The following JPH3 variants were observed in gnomAD, a reference collection of about 807,000 sequenced individuals.
JPH3 encodes the protein junctophilin-3.
Under a neutral mutation model 59.6 loss-of-function variants are expected in JPH3, and 11 were observed. The observed-to-expected ratio is 0.18, with a 90% CI of 0.12 to 0.31. The LOEUF (loss-of-function observed/expected upper bound fraction) is 0.31, where lower values mean the gene tolerates loss of function less well. Among genes scored for constraint, JPH3 ranks in the 10% least tolerant of loss-of-function variants. JPH3 has a pLI of 1.00. For missense variants in JPH3, 1,202 were observed against 1,105.7 expected (o/e 1.09, Z -1.24); for synonymous variants, 673 against 483.6 (o/e 1.39, Z -5.14).
intron 3 of JPH3, among the ~76,000 whole-genome samples, chr16:87,687,760 C>T (rs1005045558): frequency 1.3e-5 from 2 of 152,140 alleles, no homozygotes; most frequent in Non-Finnish European, 2.9e-5. Flanking sequence ...AGTCGGGGCC[C>T]CTCTAGCGTG....
intron 1 of JPH3, among the ~76,000 whole-genome samples, chr16:87,636,446 C>G (rs762937654): frequency 1.4e-4 from 21 of 152,196 alleles, no homozygotes; most frequent in Non-Finnish European, 2.6e-4. Flanking sequence ...GTCACAGTGG[C>G]TGTCGCTTTA....
chr16:87,683,945 T>C, intron 2 of JPH3, 197 bp from the exon 3 acceptor site: 1 of 580,948 alleles, frequency 1.7e-6, no homozygotes, highest in Non-Finnish European at 3.1e-6. Context: ...CTGGGCCTGG[T>C]TGGTTGATGC....
At chr16:87,693,980 C>T (rs1306523857) in intron 4 of JPH3, 2 of 152,246 alleles carry the variant, frequency 1.3e-5, no homozygotes, top group African/African-American at 4.8e-5. Context: ...CCCACCGTGC[C>T]GAGTGGTGTT....
chr16:87,602,431 CGGGGGCGGGGGGCG>C (rs1237775178), upstream of JPH3, among the ~76,000 whole-genome samples: 2,253 of 13,272 alleles, frequency 0.17, 122 homozygotes, highest in African/African-American at 0.34. Flanking sequence ...GGGGCGGGGG[CGGGGGCGGGGGGCG>C]GGGGGCGGGG....
chr16:87,624,415 G>C (rs569693773), intron 1 of JPH3, among the ~76,000 whole-genome samples: 12 of 152,288 alleles, frequency 7.9e-5, no homozygotes, highest in African/African-American at 2.9e-4. Flanking sequence ...CATACGCTGA[G>C]AGGCCTTTTG....
At chr16:87,682,418 G>A (rs934832842) in intron 2 of JPH3, among the ~76,000 whole-genome samples, 4 of 152,136 alleles carry the variant, frequency 2.6e-5, no homozygotes, top group Non-Finnish European at 4.4e-5. Flanking sequence ...CCACCAGGGC[G>A]ATGGTGCTAG....
At chr16:87,653,070 G>GT (rs1158494736) in intron 2 of JPH3, among the ~76,000 whole-genome samples, 2 of 151,976 alleles carry the variant, frequency 1.3e-5, no homozygotes, top group African/African-American at 4.8e-5. Context: ...CAGTGCCTGC[G>GT]GGGGGGACTA....
intron 1 of JPH3, among the ~76,000 whole-genome samples, chr16:87,630,804 C>G (rs893283769): frequency 2.0e-5 from 3 of 152,136 alleles, no homozygotes; most frequent in African/African-American, 7.2e-5. Flanking sequence ...TCTGTTGACT[C>G]CTACTGTAGT....
chr16:87,641,093 C>T (rs1347518343), intron 1 of JPH3, among the ~76,000 whole-genome samples: 5 of 152,270 alleles, frequency 3.3e-5, no homozygotes, highest in Non-Finnish European at 7.3e-5. Flanking sequence ...CAGCTGCCCC[C>T]TCTGCCTCCT....
intron 1 of JPH3, among the ~76,000 whole-genome samples, chr16:87,617,023 G>A (rs143347880): frequency 2.0e-5 from 3 of 152,258 alleles, no homozygotes; most frequent in Non-Finnish European, 4.4e-5. Context: ...TCAGGAGTTC[G>A]AGACCAGCCT....
chr16:87,652,698 C>G (rs1303989332), intron 2 of JPH3, among the ~76,000 whole-genome samples: 4 of 152,228 alleles, frequency 2.6e-5, no homozygotes, highest in Non-Finnish European at 5.9e-5. Flanking sequence ...AGGTGGCCAC[C>G]TAGATGATGG....
chr16:87,666,303 G>A (rs528067887), intron 2 of JPH3, among the ~76,000 whole-genome samples: 2 of 151,842 alleles, frequency 1.3e-5, no homozygotes, highest in African/African-American at 2.4e-5. Context: ...TGGTCAGGCT[G>A]GTCTAGAACT....
chr16:87,638,977 G>C (rs192384408), intron 1 of JPH3, among the ~76,000 whole-genome samples: 2 of 152,182 alleles, frequency 1.3e-5, no homozygotes, highest in African/African-American at 4.8e-5. Flanking sequence ...GGGGAGGACA[G>C]GTGAACCTGG....
At chr16:87,666,704 G>T (rs758086390) in intron 2 of JPH3, among the ~76,000 whole-genome samples, 6 of 152,174 alleles carry the variant, frequency 3.9e-5, no homozygotes, top group Non-Finnish European at 8.8e-5. Flanking sequence ...CACAGTGCTG[G>T]GATTACAGGA....
intron 2 of JPH3, among the ~76,000 whole-genome samples, chr16:87,657,644 C>G (rs1597268599): frequency 6.6e-6 from 1 of 152,296 alleles, no homozygotes; most frequent in East Asian, 1.9e-4. Flanking sequence ...GTGGAGACTG[C>G]TCTTGAGGTC....
At position 87,684,167 on chromosome 16, in the gene JPH3, G is replaced by A. The variant is rs750233507; in HGVS notation, c.1186G>A (p.Glu396Lys). Residue 396 changes from glutamate to lysine, a missense_variant, in exon 3 of 5, where the codon GAG becomes AAG. By Grantham distance (56) the Glu-to-Lys change is moderately conservative (BLOSUM62 1). Transcript: ENST00000284262. The part of the protein sequence containing the change: ...SRTSHSRAKA[E>K]AALTAAQKAQ... The stretch of plus-strand genomic sequence containing the variant: ...GACCTCCCACTCTCGGGCAAAGGCC[G>A]AGGCAGCCCTCACAGCAGCTCAGAA... 9.9e-6 allele frequency: 16 copies of A among 1,613,588 alleles called. No individual in the cohort carries two copies. Among genetic ancestry groups the A allele is most frequent in the African/African-American group, 5.3e-5 (4 of 74,890 alleles).
At position 87,645,054 on chromosome 16, in the gene JPH3, G is replaced by T. The variant is rs117025123; in HGVS notation, c.1160+19G>T. The stretch of plus-strand genomic sequence containing the variant: ...CTTCCAGGTAGGAGGGCGAGGGGGC[G>T]GGGGGCCCTTCTTGGTGCCCAGAAG... On this transcript the variant is annotated intron_variant, in intron 2 of 4. Transcript: ENST00000284262. The T allele has an allele frequency of 1.3e-6, 2 of 1,586,454 alleles. No homozygotes were observed. Among genetic ancestry groups the T allele is most frequent in the Admixed American group, 1.7e-5 (1 of 58,966 alleles).
At chr16:87,613,969 G>A (rs147378816) in intron 1 of JPH3, among the ~76,000 whole-genome samples, 9 of 152,282 alleles carry the variant, frequency 5.9e-5, no homozygotes, top group South Asian at 4.1e-4. Flanking sequence ...CCGGCGCTCC[G>A]AGATGCCTTT....
chr16:87,665,045 T>A (rs2032819337), intron 2 of JPH3, among the ~76,000 whole-genome samples: 2 of 152,224 alleles, frequency 1.3e-5, no homozygotes, highest in African/African-American at 4.8e-5. Flanking sequence ...CGGTGCTCCT[T>A]GAACGGATAA....
Sources: gnomAD v4.1 joint callset for allele counts (sites outside exome capture counted in the v4.1 genomes callset) on GRCh38, gnomAD v4.1.1 for gene constraint, MANE v1.5 for transcripts, NCBI Gene and HGNC (gene_info 2026-07-23, HGNC 2026-07-21) for gene names.